The following EXOC6 variants were observed in gnomAD, a reference collection of about 807,000 sequenced individuals.
EXOC6 encodes exocyst complex component 6, also known as SEC15-like 1.
EXOC6 carries 60 observed loss-of-function variants against 112.5 expected under a neutral mutation model. The observed-to-expected ratio is 0.53, with a 90% CI of 0.43 to 0.66. The LOEUF is 0.66. Ranked by LOEUF, EXOC6 falls within the 30% of genes least tolerant of loss-of-function variation. The pLI is 0.00. For missense variants in EXOC6, 855 were observed against 957.1 expected (o/e 0.89, Z 1.41); for synonymous variants, 295 against 308.0 (o/e 0.96, Z 0.44).
intron 18 of EXOC6, among the ~76,000 whole-genome samples, chr10:92,983,576 C>G (rs959082608): frequency 1.4e-5 from 2 of 145,836 alleles, no homozygotes; most frequent in Non-Finnish European, 3.0e-5. Flanking sequence ...GGGATCTTGG[C>G]TTACTGCAAC....
At chr10:92,840,619 CT>C (rs1246841137) in intron 1 of EXOC6, among the ~76,000 whole-genome samples, 4 of 151,560 alleles carry the variant, frequency 2.6e-5, no homozygotes, top group Non-Finnish European at 2.9e-5. Flanking sequence ...TTTTTTAAAA[CT>C]TTTTTTAATT....
chr10:92,890,591 T>C (rs1051434256), intron 1 of EXOC6, among the ~76,000 whole-genome samples: 27 of 152,082 alleles, frequency 1.8e-4, no homozygotes, highest in Non-Finnish European at 2.6e-4. Context: ...AGGAATGATA[T>C]AGTGATAAAC....
chr10:92,934,365 G>A lies in EXOC6; in HGVS notation c.1075G>A (p.Ala359Thr). Residue 359 changes from alanine (A) to threonine (T), a missense_variant, in exon 11 of 22, where the codon GCA becomes ACA. Ala to Thr is a moderately conservative substitution (Grantham distance 58). Transcript: ENST00000260762. ...LHVTQGLVTR[A>T]YTDELWNMAL... Reference sequence around the variant, plus strand: ...TGTGACCCAAGGATTAGTAACCAGGGCATACACTGATGAACTTTGGAACAT... The same window carrying A: ...TGTGACCCAAGGATTAGTAACCAGGACATACACTGATGAACTTTGGAACAT... 4 of 1,605,692 alleles carry A rather than the reference G, an allele frequency of 2.5e-6. No homozygotes were observed. The highest frequency in any genetic ancestry group is 1.1e-5 in the South Asian group (1 of 89,416).
chr10:92,935,833 A>G lies in EXOC6; in HGVS notation c.1160A>G (p.Asp387Gly), dbSNP rs749271309. ...RAHSSYCTDP[D>G]LVLELKNLTV... Reference sequence around the variant, plus strand: ...CCTCAGTCCTATTGCACTGATCCTGATCTTGTTCTGGAGCTGAAGAATCTT... The same window carrying G: ...CCTCAGTCCTATTGCACTGATCCTGGTCTTGTTCTGGAGCTGAAGAATCTT... The change falls in exon 12 of 22, where the codon GAT becomes GGT. Residue 387 changes from aspartate (D) to glycine (G), a missense_variant. This residue lies in a region of EXOC6 where 450 missense variants were observed against 563.5 expected (regional missense o/e 0.80). Coordinates refer to ENST00000260762, the MANE Select transcript of EXOC6 (RefSeq NM_019053.6). The G allele has an allele frequency of 6.2e-7, 1 of 1,609,258 alleles. No individual in the cohort carries two copies. The highest frequency in any genetic ancestry group is 1.1e-5 in the South Asian group (1 of 90,758).
intron 4 of EXOC6, among the ~76,000 whole-genome samples, chr10:92,896,641 G>A (rs552120107): frequency 1.2e-4 from 19 of 152,100 alleles, no homozygotes; most frequent in African/African-American, 4.6e-4. Flanking sequence ...AGGCTGGAGT[G>A]CAGTGGCTGA....
Position 92,926,636 on chromosome 10 carries a change from C to T in EXOC6, c.889-1703C>T, listed in dbSNP as rs922000906. ...GTAGCCTTGAACTCCCAAACTCAAA[C>T]GATCCTCTTGTCTCAGCCGCTTGAG... is the stretch of plus-strand genomic sequence containing the variant. On this transcript the variant is annotated intron_variant, in intron 8 of 21. Transcript: ENST00000260762. 2.0e-4 allele frequency among the ~76,000 whole-genome samples: 31 copies of T among 151,968 alleles called. 1 individual carries two copies. Among genetic ancestry groups the T allele is most frequent in the African/African-American group, 7.5e-4 (31 of 41,384 alleles).
intron 21 of EXOC6, 139 bp from the exon 22 acceptor site, chr10:93,058,084 G>T (rs569086873): frequency 3.0e-6 from 2 of 660,116 alleles, no homozygotes; most frequent in East Asian, 6.4e-5. Context: ...TGTTTATTTA[G>T]TATCTACTTT....
chr10:92,915,994 T>C (rs1423773865), intron 7 of EXOC6, 81 bp downstream of exon 7: 1 of 999,914 alleles, frequency 1.0e-6, no homozygotes. Context: ...TGTGATTTAG[T>C]CTTCCTGTAT....
chr10:93,035,654 A>G (rs1356464083), intron 20 of EXOC6, among the ~76,000 whole-genome samples: 1 of 152,198 alleles, frequency 6.6e-6, no homozygotes, highest in African/African-American at 2.4e-5. Flanking sequence ...CAGGAGCTCT[A>G]GACCAGCTTG....
chr10:92,877,037 G>GT (rs993644983), intron 1 of EXOC6, among the ~76,000 whole-genome samples: 2 of 152,000 alleles, frequency 1.3e-5, no homozygotes. Context: ...ATGATTTTTT[G>GT]TTTTTTGTTT....
chr10:92,955,690 A>T lies in EXOC6; in HGVS notation c.1749A>T (p.Arg583Ser). Reference sequence around the variant, plus strand: ...CCCAAGAAACTGTTCATACTACAAGACTTTATGGACTTTCTACTTTCAAGG... The same window carrying T: ...CCCAAGAAACTGTTCATACTACAAGTCTTTATGGACTTTCTACTTTCAAGG... ...NISQETVHTT[R>S]LYGLSTFKDA... Residue 583 changes from arginine (R) to serine (S), a missense_variant, in exon 17 of 22, where the codon AGA becomes AGT. Physicochemically the swap from Arg to Ser is moderately radical, Grantham distance 110. Coordinates refer to ENST00000260762, the MANE Select transcript of EXOC6 (RefSeq NM_019053.6). 5 of 1,610,612 alleles carry T rather than the reference A, an allele frequency of 3.1e-6. No homozygotes were observed. The highest frequency in any genetic ancestry group is 1.7e-5 in the Admixed American group (1 of 59,190).
intron 20 of EXOC6, among the ~76,000 whole-genome samples, chr10:93,037,901 G>A (rs1224591774): frequency 5.3e-5 from 8 of 150,734 alleles, no homozygotes. Context: ...TTAGCCGGGC[G>A]CGGTGGCGGG....
chr10:92,934,477 A>G, intron 11 of EXOC6, 47 bp downstream of exon 11: 1 of 1,488,134 alleles, frequency 6.7e-7, no homozygotes, highest in Non-Finnish European at 9.0e-7. Flanking sequence ...CAGTTACTTC[A>G]AGAACTTCTG....
intron 4 of EXOC6, among the ~76,000 whole-genome samples, chr10:92,895,253 A>G (rs540305818): frequency 6.6e-6 from 1 of 152,322 alleles, no homozygotes; most frequent in East Asian, 1.9e-4. Flanking sequence ...AGCAACTTCT[A>G]CATTTCCATT....
intron 18 of EXOC6, among the ~76,000 whole-genome samples, chr10:92,976,061 C>CA (rs1842584561): frequency 7.0e-6 from 1 of 143,636 alleles, no homozygotes; most frequent in African/African-American, 2.7e-5. Context: ...GGGGGGTCAG[C>CA]CCCCCGCCCG....
chr10:92,925,580 C>G (rs971322438), intron 8 of EXOC6, among the ~76,000 whole-genome samples: 3 of 152,126 alleles, frequency 2.0e-5, no homozygotes, highest in Non-Finnish European at 4.4e-5. Context: ...CAGGCGTGAG[C>G]CAATGCACCT....
chr10:92,926,124 G>A (rs1420607687), intron 8 of EXOC6, among the ~76,000 whole-genome samples: 3 of 150,800 alleles, frequency 2.0e-5, no homozygotes, highest in Non-Finnish European at 4.4e-5. Context: ...TATTAATGGG[G>A]GAAAAAAAAG....
In EXOC6 at chr10:92,981,188, T is replaced by G. The variant is rs61862342; in HGVS notation, c.1953+6956T>G. Among the ~76,000 whole-genome samples, 387 of 152,332 alleles carry G rather than the reference T, an allele frequency of 2.5e-3. 2 individuals are homozygous for G. The highest frequency in any genetic ancestry group is 3.9e-3 in the Non-Finnish European group (267 of 68,034). ...GCCAGAAAACTTAAACCAGAAGAAT[T>G]TTTAAAAACATTAAACATTCATTCA... On this transcript the variant is annotated intron_variant, in intron 18 of 21. Transcript: ENST00000260762.
intron 18 of EXOC6, among the ~76,000 whole-genome samples, chr10:92,978,536 G>A (rs1842717718): frequency 6.6e-6 from 1 of 152,068 alleles, no homozygotes. Flanking sequence ...TCAATAGAGT[G>A]ATTATATTAT....
Sources: gnomAD v4.1 joint callset for allele counts (sites outside exome capture counted in the v4.1 genomes callset) on GRCh38, gnomAD v4.1.1 for gene constraint, gnomAD v4.1.1 regional missense constraint, MANE v1.5 for transcripts, NCBI Gene and HGNC (gene_info 2026-07-23, HGNC 2026-07-21) for gene names.